DAAM1: variants seen among roughly 807,000 people sequenced by gnomAD.
DAAM1 encodes dishevelled associated activator of morphogenesis 1.
A neutral mutation model predicts 130.0 loss-of-function variants in DAAM1; 52 were observed. The ratio of observed to expected loss-of-function variants is 0.40; its 90% CI spans 0.32 to 0.50. The LOEUF is 0.50. DAAM1 is among the 20% of genes least tolerant of loss of function. The pLI is 0.61. For synonymous variants in DAAM1, 452 were observed against 444.5 expected (o/e 1.02, Z -0.21); for missense variants, 1,134 against 1,303.8 (o/e 0.87, Z 2.01).
chr14:59,272,835 A>G (rs137892688), intron 2 of DAAM1, among the ~76,000 whole-genome samples: 1 of 152,152 alleles, frequency 6.6e-6, no homozygotes, highest in Non-Finnish European at 1.5e-5. Flanking sequence ...TAAAATTCCT[A>G]TGGAGTAAAT....
Position 59,320,344 on chromosome 14 carries a change from T to G in DAAM1, c.346-146T>G, listed in dbSNP as rs1249108446. ...CTAAACTTTTCCCTAAGGCTTTATT[T>G]AAAATTTGAAAGACTTAACTTACTT... On this transcript the variant is annotated intron_variant, in intron 4 of 24. Coordinates refer to ENST00000360909, the MANE Select transcript of DAAM1 (RefSeq NM_001270520.2). The G allele has an allele frequency of 1.6e-5, 11 of 667,104 alleles. No homozygotes were observed. In the South Asian group the frequency reaches 2.8e-4, roughly 17 times the overall value. The allele number at this position is 667,104 out of a possible 1,614,324, so 41.3% of individuals were successfully genotyped here.
intron 1 of DAAM1, among the ~76,000 whole-genome samples, chr14:59,235,177 T>C (rs763758576): frequency 6.6e-6 from 1 of 151,948 alleles, no homozygotes; most frequent in Non-Finnish European, 1.5e-5. Context: ...TAGGGAGGAG[T>C]CTCTCCTTTT....
chr14:59,231,686 T>G (rs1889111738), intron 1 of DAAM1, among the ~76,000 whole-genome samples: 1 of 152,058 alleles, frequency 6.6e-6, no homozygotes, highest in Non-Finnish European at 1.5e-5. Flanking sequence ...GTAATAAAAC[T>G]CACATCACCG....
At chr14:59,224,258 G>A (rs1888866611) in intron 1 of DAAM1, among the ~76,000 whole-genome samples, 2 of 152,348 alleles carry the variant, frequency 1.3e-5, no homozygotes, top group Non-Finnish European at 2.9e-5. Flanking sequence ...TCACTGGTTT[G>A]TTAAGCTTAT....
At chr14:59,212,705 G>GT (rs1207583955) in intron 1 of DAAM1, among the ~76,000 whole-genome samples, 4 of 152,146 alleles carry the variant, frequency 2.6e-5, no homozygotes, top group African/African-American at 9.7e-5. Context: ...GATCTAACTA[G>GT]TTTGTCAGTG....
At chr14:59,361,684 C>G (rs1354151365) in intron 22 of DAAM1, among the ~76,000 whole-genome samples, 1 of 152,220 alleles carries the variant, frequency 6.6e-6, no homozygotes, top group African/African-American at 2.4e-5. Context: ...CCTGCGGGTA[C>G]TCTGCAGATG....
intron 2 of DAAM1, among the ~76,000 whole-genome samples, chr14:59,267,785 T>G (rs1308878529): frequency 6.6e-6 from 1 of 152,168 alleles, no homozygotes; most frequent in Non-Finnish European, 1.5e-5. Flanking sequence ...TGGTCCTCTG[T>G]GACTGGCTTC....
Position 59,348,013 on chromosome 14 carries a change from A to G in DAAM1, c.2160+390A>G, listed in dbSNP as rs1408845940. On this transcript the variant is annotated intron_variant, in intron 17 of 24. Transcript: ENST00000360909. ...AAAACTGATTCATTACTAAACTCTA[A>G]ATGTAATTTGTGTCTTGGTCACCAG... is the stretch of plus-strand genomic sequence containing the variant. Among the ~76,000 whole-genome samples, 3 of 152,300 alleles carry G rather than the reference A, an allele frequency of 2.0e-5. No homozygotes were observed. The East Asian group carries it at 5.8e-4, about 29-fold the overall frequency.
At chr14:59,362,333 T>C (rs112605288) in intron 22 of DAAM1, 1 of 152,292 alleles carries the variant, frequency 6.6e-6, no homozygotes, top group African/African-American at 2.4e-5. Flanking sequence ...GACGTAGTAT[T>C]GTAAGAAAAT....
chr14:59,330,933 T>C (rs1409679677), intron 13 of DAAM1, among the ~76,000 whole-genome samples: 2 of 152,160 alleles, frequency 1.3e-5, no homozygotes, highest in Non-Finnish European at 2.9e-5. Context: ...AAGTGAAAAC[T>C]GACTTCATGA....
chr14:59,313,556 C>G (rs1421857387), intron 3 of DAAM1, among the ~76,000 whole-genome samples: 1 of 152,160 alleles, frequency 6.6e-6, no homozygotes, highest in African/African-American at 2.4e-5. Context: ...TGTGGGACCT[C>G]AGTCATGGGA....
chr14:59,317,934 G>C, intron 4 of DAAM1, among the ~76,000 whole-genome samples: 1 of 152,164 alleles, frequency 6.6e-6, no homozygotes, highest in East Asian at 1.9e-4. Context: ...GATGGGATAG[G>C]CTTCTGTTTT....
intron 1 of DAAM1, among the ~76,000 whole-genome samples, chr14:59,209,464 T>C (rs954722793): frequency 3.9e-5 from 6 of 152,256 alleles, no homozygotes; most frequent in African/African-American, 1.4e-4. Flanking sequence ...ATGGTTCCAC[T>C]TGCAGTTTTT....
chr14:59,276,655 G>A (rs1367593828), intron 2 of DAAM1, among the ~76,000 whole-genome samples: 2 of 152,210 alleles, frequency 1.3e-5, no homozygotes, highest in Non-Finnish European at 2.9e-5. Flanking sequence ...ACAAATATCT[G>A]AGGTATCTAA....
rs78807536 is a variant in DAAM1 at position 59,350,602 on chromosome 14, C to G, written c.2161-1924C>G. 4.0e-3 allele frequency among the ~76,000 whole-genome samples: 614 copies of G among 152,114 alleles called. 4 individuals carry two copies. Among genetic ancestry groups the G allele is most frequent in the African/African-American group, 0.014 (583 of 41,488 alleles). ...TTTCTACCCACTCTGCTGCACTGTC[C>G]TCCTCCCCTCCCTAGAGCTCTTCTC... On this transcript the variant is annotated intron_variant, in intron 17 of 24. Coordinates refer to ENST00000360909, the MANE Select transcript of DAAM1 (RefSeq NM_001270520.2).
chr14:59,349,340 C>A (rs577278381), intron 17 of DAAM1, among the ~76,000 whole-genome samples: 43 of 152,250 alleles, frequency 2.8e-4, no homozygotes, highest in Non-Finnish European at 5.9e-4. Context: ...ATTTCAAAAT[C>A]TTGCCAAAAG....
At chr14:59,292,026 G>C (rs980370795) in intron 3 of DAAM1, among the ~76,000 whole-genome samples, 1 of 152,108 alleles carries the variant, frequency 6.6e-6, no homozygotes, top group African/African-American at 2.4e-5. Context: ...TCACTCCATG[G>C]TGACTGTATC....
rs139465461 is a variant in DAAM1, at chr14:59,256,235, A to T, written c.-37-7206A>T. Reference sequence around the variant, plus strand: ...ATCACATATATTGTGACTTGACATTATCAAAGGGAAAGTATTAGGGAGGGT... The same window carrying T: ...ATCACATATATTGTGACTTGACATTTTCAAAGGGAAAGTATTAGGGAGGGT... On this transcript the variant is annotated intron_variant, in intron 1 of 24. Transcript: ENST00000360909. Among the ~76,000 whole-genome samples, 7 of 152,332 alleles carry T rather than the reference A, an allele frequency of 4.6e-5. No homozygotes were observed. In the East Asian group the frequency reaches 1.3e-3, roughly 29 times the overall value.
chr14:59,252,241 A>T (rs925159974), intron 1 of DAAM1, among the ~76,000 whole-genome samples: 6 of 152,324 alleles, frequency 3.9e-5, no homozygotes, highest in African/African-American at 1.4e-4. Flanking sequence ...ATCAGTTCAC[A>T]ACCACTTCTT....
Sources: allele counts gnomAD v4.1 joint callset (sites outside exome capture counted in the v4.1 genomes callset), GRCh38; gene constraint gnomAD v4.1.1; transcripts MANE v1.5; gene names NCBI Gene and HGNC (gene_info 2026-07-23, HGNC 2026-07-21).